Variants in SAFB2 observed in about 807,000 individuals in gnomAD.
SAFB2 encodes scaffold attachment factor B2.
A neutral mutation model predicts 100.6 loss-of-function variants in SAFB2; 32 were observed. That is an observed-to-expected ratio of 0.32 (90% CI 0.24 to 0.43). The LOEUF (loss-of-function observed/expected upper bound fraction) is 0.43. Among genes scored for constraint, SAFB2 ranks in the 20% least tolerant of loss-of-function variants. The pLI, the probability that SAFB2 is intolerant of heterozygous loss-of-function variation, is 1.00. For synonymous variants in SAFB2, 500 were observed against 439.4 expected, an observed-to-expected ratio of 1.14 and a Z score of -1.72; for missense variants, 1,185 against 1,163.4, an observed-to-expected ratio of 1.02 and a Z score of -0.27.
At chr19:5,610,712 T>C in intron 7 of SAFB2, 24 bp from the exon 8 acceptor site, 1 of 1,474,152 alleles carries the variant, frequency 6.8e-7, no homozygotes, top group Non-Finnish European at 9.3e-7. Flanking sequence ...TTAATGTTAC[T>C]CATACAGGAA....
At chr19:5,598,472 T>C (rs931807027) in intron 13 of SAFB2, 13 of 348,746 alleles carry the variant, frequency 3.7e-5, no homozygotes, top group Non-Finnish European at 3.8e-5. Context: ...AACCAAAGAG[T>C]AGGACCTGCC....
At chr19:5,588,838 G>T (rs540734339) in intron 18 of SAFB2, 3 of 152,270 alleles carry the variant, frequency 2.0e-5, no homozygotes, top group Admixed American at 6.5e-5. Flanking sequence ...GACTGCACAC[G>T]TGAAACGGGA....
chr19:5,616,833 G>T (rs1568231459), intron 2 of SAFB2, among the ~76,000 whole-genome samples: 1 of 151,710 alleles, frequency 6.6e-6, no homozygotes, highest in African/African-American at 2.4e-5. Flanking sequence ...TGTATTTTTA[G>T]TAGAGATGGG....
intron 9 of SAFB2, among the ~76,000 whole-genome samples, chr19:5,605,513 G>A (rs2052756717): frequency 6.6e-6 from 1 of 152,118 alleles, no homozygotes; most frequent in South Asian, 2.1e-4. Flanking sequence ...ATAACCAGAA[G>A]TCCTACCCAT....
intron 2 of SAFB2, among the ~76,000 whole-genome samples, chr19:5,620,557 G>A (rs947635855): frequency 1.3e-5 from 2 of 152,354 alleles, no homozygotes; most frequent in Middle Eastern, 3.4e-3. Context: ...ATTATGCTAC[G>A]TGAAAGCTGA....
rs3216957 is a variant in SAFB2 at position 5,603,630 on chromosome 19, GCCAAGGTACC to G, written c.1559+943_1559+952del. On this transcript the variant is annotated intron_variant, in intron 11 of 20. Transcript: ENST00000252542. ...GTTCCCAACTACTACGCCAAGGTAC[GCCAAGGTACC>G]CCAAGGTGCCACCGTGAACTCACAG... 9.9e-5 allele frequency among the ~76,000 whole-genome samples: 15 copies of G among 152,140 alleles called. No individual in the cohort carries two copies. The South Asian group carries it at 2.9e-3, about 29-fold the overall frequency.
chr19:5,608,728 G>GGAGACCAGGGCAGTGCCAATT (rs2145346463), intron 9 of SAFB2, among the ~76,000 whole-genome samples: 1 of 152,314 alleles, frequency 6.6e-6, no homozygotes, highest in African/African-American at 2.4e-5. Flanking sequence ...GAGGCACCCA[G>GGAGACCAGGGCAGTGCCAATT]GAGACCAGGG....
Position 5,611,398 on chromosome 19 carries a change from T to C in SAFB2, c.867A>G (p.Leu289=), listed in dbSNP as rs1555690054. The change falls in exon 7 of 21, where the codon TTA becomes TTG. Residue 289 remains leucine (L), a synonymous_variant. Coordinates refer to ENST00000252542, the MANE Select transcript of SAFB2 (RefSeq NM_014649.3). ...HAQSSKADSL[L]AVVKREPAEQ... is the part of the protein sequence containing the mutation. ...CCGCGGGCTCCCTTTTCACTACCGC[T>C]AACAGGCTGTCTGCCTTGCTCGACT... 1 of 353,050 alleles carries C rather than the reference T, an allele frequency of 2.8e-6. No individual in the cohort carries two copies. The allele number at this position is 353,050 out of a possible 1,614,324, so 21.9% of individuals were successfully genotyped here.
rs1219679102 is a variant in SAFB2 at position 5,622,633 on chromosome 19, C to A, written c.83G>T (p.Arg28Met). 2 of 1,611,954 alleles carry A rather than the reference C, an allele frequency of 1.2e-6. No individual in the cohort carries two copies. Among genetic ancestry groups the A allele is most frequent in the Non-Finnish European group, 1.7e-6 (2 of 1,179,556 alleles). The change falls in exon 1 of 21, where the codon AGG (arginine) becomes ATG (methionine). Residue 28 changes from arginine to methionine, a missense_variant. Physicochemically the swap from Arg to Met is moderately conservative, Grantham distance 91. Coordinates refer to ENST00000252542, the MANE Select transcript of SAFB2 (RefSeq NM_014649.3). The stretch of plus-strand genomic sequence containing the variant: ...GATCACCCGCAGCTCGCTGAGCCGC[C>A]TCGTCCCAGTCTCCGCAACGCCCGG... ...LGPGVAETGT[R>M]RLSELRVIDL...
chr19:5,599,848 C>G (rs1351165057), intron 12 of SAFB2, among the ~76,000 whole-genome samples: 1 of 152,122 alleles, frequency 6.6e-6, no homozygotes, highest in East Asian at 1.9e-4. Flanking sequence ...CTTGCAAATC[C>G]CACACTACAA....
intron 2 of SAFB2, among the ~76,000 whole-genome samples, chr19:5,619,823 C>G (rs1269548202): frequency 6.9e-6 from 1 of 145,968 alleles, no homozygotes; most frequent in Non-Finnish European, 1.5e-5. Context: ...CCAGCCTGGG[C>G]AACAACAGCA....
At chr19:5,603,772 T>A (rs1024392008) in intron 11 of SAFB2, among the ~76,000 whole-genome samples, 1 of 152,040 alleles carries the variant, frequency 6.6e-6, no homozygotes, top group East Asian at 1.9e-4. Context: ...AACACAGCAA[T>A]GCTTTTGCCA....
chr19:5,600,028 G>C, intron 12 of SAFB2, 102 bp downstream of exon 12: 1 of 1,226,912 alleles, frequency 8.2e-7, no homozygotes, highest in South Asian at 1.5e-5. Context: ...CAGCGAAACA[G>C]CCATGTCACC....
At chr19:5,614,179 C>G (rs1210134899) in intron 4 of SAFB2, among the ~76,000 whole-genome samples, 1 of 152,194 alleles carries the variant, frequency 6.6e-6, no homozygotes, top group Non-Finnish European at 1.5e-5. Flanking sequence ...TCTTGAACTC[C>G]TGACCTCAGG....
chr19:5,595,410 C>G lies in SAFB2; in HGVS notation c.1870G>C (p.Glu624Gln). The change falls in exon 14 of 21, where the codon GAG (glutamate) becomes CAG (glutamine). Residue 624 changes from glutamate to glutamine, a missense_variant. Glu to Gln is a conservative substitution (Grantham distance 29). Around this residue, in one of 3 missense-constraint regions of SAFB2, gnomAD observed 740 missense variants for 687.1 expected, o/e 1.08. Transcript: ENST00000252542. ...TCCCGTTCCCGCTGCCTCTGGCGCT[C>G]TCTCTCCCTTTGTTCTTTGATTTTA... ...FDKIKEQRER[E>Q]RQRQREREIR... The G allele has an allele frequency of 1.2e-6, 2 of 1,613,464 alleles. No individual in the cohort carries two copies. Among genetic ancestry groups the G allele is most frequent in the Non-Finnish European group, 8.5e-7 (1 of 1,179,944 alleles).
rs2052516092 is a variant in SAFB2 at position 5,595,438 on chromosome 19, A to G, written c.1842T>C (p.Phe614=). ...ESKEKRDILS[F]DKIKEQRERE... is the part of the protein sequence containing the mutation. ...TCTCCCTTTGTTCTTTGATTTTATCAAACGACAAGATGTCTCTCTTTTCTT... is the reference window on the plus strand; with the variant it reads ...TCTCCCTTTGTTCTTTGATTTTATCGAACGACAAGATGTCTCTCTTTTCTT... The change falls in exon 14 of 21, where the codon TTT becomes TTC. Residue 614 remains phenylalanine, a synonymous_variant. Coordinates refer to ENST00000252542, the MANE Select transcript of SAFB2 (RefSeq NM_014649.3). The G allele has an allele frequency of 4.3e-6, 7 of 1,613,738 alleles. No homozygotes were observed. The highest frequency in any genetic ancestry group is 1.7e-5 in the Admixed American group (1 of 60,006).
At chr19:5,599,383 AC>A (rs766974822) in intron 12 of SAFB2, among the ~76,000 whole-genome samples, 5 of 152,226 alleles carry the variant, frequency 3.3e-5, no homozygotes, top group Non-Finnish European at 5.9e-5. Flanking sequence ...CGACAGAACC[AC>A]CAGGCATAAA....
chr19:5,614,789 C>A (rs1238257445), intron 4 of SAFB2, among the ~76,000 whole-genome samples: 1 of 152,214 alleles, frequency 6.6e-6, no homozygotes, highest in African/African-American at 2.4e-5. Flanking sequence ...GCTGGGAAAG[C>A]CCTAACAGAG....
intron 13 of SAFB2, among the ~76,000 whole-genome samples, chr19:5,597,857 C>T (rs147440294): frequency 1.6e-4 from 25 of 152,178 alleles, no homozygotes; most frequent in South Asian, 4.1e-4. Context: ...TGGTTGGGCA[C>T]GGTGGCTCAA....
Sources: allele counts gnomAD v4.1 joint callset (sites outside exome capture counted in the v4.1 genomes callset), GRCh38; gene constraint gnomAD v4.1.1; regional missense constraint gnomAD v4.1.1; transcripts MANE v1.5; gene names NCBI Gene and HGNC (gene_info 2026-07-23, HGNC 2026-07-21).